The following AGPAT4 variants were observed in gnomAD, a reference collection of about 807,000 sequenced individuals.
The protein encoded by AGPAT4 is 1-acyl-sn-glycerol-3-phosphate acyltransferase delta.
In AGPAT4, 15 loss-of-function variants were observed where a neutral mutation model predicts 48.0. That is an observed-to-expected ratio of 0.31 (90% CI 0.21 to 0.48). The LOEUF is 0.48. Ranked by LOEUF, AGPAT4 falls within the 20% of genes least tolerant of loss-of-function variation. AGPAT4 has a pLI of 0.99. For synonymous variants in AGPAT4, 178 were observed against 198.7 expected (o/e 0.90, Z 0.88); for missense variants, 314 against 482.5 (o/e 0.65, Z 3.27).
intron 2 of AGPAT4, among the ~76,000 whole-genome samples, chr6:161,209,967 A>G (rs559161582): frequency 6.6e-6 from 1 of 152,066 alleles, no homozygotes; most frequent in African/African-American, 2.4e-5. Flanking sequence ...GTTGCAACAG[A>G]GGTTATTCTT....
At position 161,196,545 on chromosome 6, in the gene AGPAT4, T is replaced by G; in HGVS notation, c.179-30128A>C. ...GAGAGGGTCACGCGTGGTGACTCAA[T>G]GCCTGTAATCCCAGCATTTTGGGAG... On this transcript the variant is annotated intron_variant, in intron 2 of 8. Coordinates refer to ENST00000320285, the MANE Select transcript of AGPAT4 (RefSeq NM_020133.3). This position sits in a 1 kb window ranked among gnomAD's most constrained non-coding sequence, Gnocchi z 4.3. 6.6e-6 allele frequency among the ~76,000 whole-genome samples: 1 copy of G among 152,014 alleles called. No homozygotes were observed. Among genetic ancestry groups the G allele is most frequent in the East Asian group, 1.9e-4 (1 of 5,150 alleles).
rs1322315937 is a variant in AGPAT4 at position 161,197,599 on chromosome 6, C to T, written c.179-31182G>A. 6.6e-6 allele frequency among the ~76,000 whole-genome samples: 1 copy of T among 152,164 alleles called. No individual in the cohort carries two copies. The highest frequency in any genetic ancestry group is 1.5e-5 in the Non-Finnish European group (1 of 68,040). ...GGGGCTCATGTTTTCCTCTCCTGAA[C>T]CACTCTGCCTCCTTGCCAGACATCT... is the stretch of plus-strand genomic sequence containing the variant. On this transcript the variant is annotated intron_variant, in intron 2 of 8. Coordinates refer to ENST00000320285, the MANE Select transcript of AGPAT4 (RefSeq NM_020133.3). This position sits in a 1 kb window ranked among gnomAD's most constrained non-coding sequence, Gnocchi z 5.7.
Position 161,166,200 on chromosome 6 carries a change from T to C in AGPAT4, c.348+48A>G. On this transcript the variant is annotated intron_variant, in intron 3 of 8. Transcript: ENST00000320285. This position sits in a 1 kb window ranked among gnomAD's most constrained non-coding sequence, Gnocchi z 6.7. ...GGAGCAAAAAGACAAGTGGTGGGGC[T>C]GAACCAGAGAAATGTGTGAGGCAGG... The C allele has an allele frequency of 6.3e-7, 1 of 1,596,820 alleles. No individual in the cohort carries two copies. The highest frequency in any genetic ancestry group is 8.5e-7 in the Non-Finnish European group (1 of 1,169,876).
At chr6:161,183,673 G>GGAGGAGAGGGGAGGA (rs1207985588) in intron 2 of AGPAT4, among the ~76,000 whole-genome samples, 2 of 76,758 alleles carry the variant, frequency 2.6e-5, no homozygotes, top group African/African-American at 6.0e-5. Flanking sequence ...AGAGGGGAGG[G>GGAGGAGAGGGGAGGA]GAGGAGAGGG....
At position 161,267,807 on chromosome 6, in the gene AGPAT4, G is replaced by T. The variant is rs761985004; in HGVS notation, c.-90+6131C>A. 6.6e-6 allele frequency among the ~76,000 whole-genome samples: 1 copy of T among 152,172 alleles called. No homozygotes were observed. Among genetic ancestry groups the T allele is most frequent in the Admixed American group, 6.5e-5 (1 of 15,288 alleles). ...GCTACTTGGGAAGCTGAAGCGGGAG[G>T]ATTGCTTGAGCCCAGGAATTCAAGG... On this transcript the variant is annotated intron_variant, in intron 1 of 8. Transcript: ENST00000320285. The surrounding 1 kb of genome is among the most constrained non-coding windows in gnomAD (Gnocchi z 5.2).
In AGPAT4 at chr6:161,236,990, A is replaced by G. The variant is rs1246842125; in HGVS notation, c.-89-4688T>C. On this transcript the variant is annotated intron_variant, in intron 1 of 8. Coordinates refer to ENST00000320285, the MANE Select transcript of AGPAT4 (RefSeq NM_020133.3). The surrounding 1 kb of genome is among the most constrained non-coding windows in gnomAD (Gnocchi z 5.0). ...CCACAACCTAGTGAACTAAGGCAAC[A>G]TGCAAAAGGGATCGCGGAAACACAA... Among the ~76,000 whole-genome samples, 1 of 152,214 alleles carries G rather than the reference A, an allele frequency of 6.6e-6. No individual in the cohort carries two copies. The highest frequency in any genetic ancestry group is 6.5e-5 in the Admixed American group (1 of 15,284).
chr6:161,216,155 A>C lies in AGPAT4; in HGVS notation c.178+15881T>G, dbSNP rs1781641359. On this transcript the variant is annotated intron_variant, in intron 2 of 8. Transcript: ENST00000320285. This position sits in a 1 kb window ranked among gnomAD's most constrained non-coding sequence, Gnocchi z 4.8. ...GCTTCTTCATAGTCTGACAAAGGAG[A>C]CTAACACTCTTAGACACAAATACAA... is the stretch of plus-strand genomic sequence containing the variant. Among the ~76,000 whole-genome samples, 1 of 152,176 alleles carries C rather than the reference A, an allele frequency of 6.6e-6. No homozygotes were observed. Among genetic ancestry groups the C allele is most frequent in the Non-Finnish European group, 1.5e-5 (1 of 68,032 alleles).
chr6:161,258,542 A>G (rs534941250), intron 1 of AGPAT4, among the ~76,000 whole-genome samples: 1 of 152,222 alleles, frequency 6.6e-6, no homozygotes, highest in Non-Finnish European at 1.5e-5. Context: ...TTGACACAAG[A>G]GAGCAATAAC....
At chr6:161,160,596 C>G (rs1207427139) in intron 3 of AGPAT4, 2 of 191,640 alleles carry the variant, frequency 1.0e-5, no homozygotes, top group African/African-American at 4.6e-5. Flanking sequence ...CTGGGTTTGA[C>G]AGGCATGCAG....
rs952845981 is a variant in AGPAT4 at position 161,222,825 on chromosome 6, C to T, written c.178+9211G>A. Reference sequence around the variant, plus strand: ...CTTCCTCTGGCCTCATTCATTTGCACGGTGGCCTCACGACACAGCAAGGCC... The same window carrying T: ...CTTCCTCTGGCCTCATTCATTTGCATGGTGGCCTCACGACACAGCAAGGCC... On this transcript the variant is annotated intron_variant, in intron 2 of 8. Coordinates refer to ENST00000320285, the MANE Select transcript of AGPAT4 (RefSeq NM_020133.3). This position sits in a 1 kb window ranked among gnomAD's most constrained non-coding sequence, Gnocchi z 5.9. Among the ~76,000 whole-genome samples, 8 of 152,082 alleles carry T rather than the reference C, an allele frequency of 5.3e-5. No individual in the cohort carries two copies. The highest frequency in any genetic ancestry group is 8.8e-5 in the Non-Finnish European group (6 of 68,014).
At position 161,149,353 on chromosome 6, in the gene AGPAT4, T is replaced by A. The variant is rs1779525064; in HGVS notation, c.665-64A>T. The A allele has an allele frequency of 2.1e-6, 3 of 1,421,272 alleles. No individual in the cohort carries two copies. Among genetic ancestry groups the A allele is most frequent in the African/African-American group, 2.9e-5 (2 of 70,172 alleles). The allele number at this position is 1,421,272 out of a possible 1,614,324, so 88.0% of individuals were successfully genotyped here. A position where few individuals can be genotyped will look rare whatever the true frequency, so the allele number is the denominator to read the frequency against. The stretch of plus-strand genomic sequence containing the variant: ...TGTGAACCCAATTTTGTTCTGTAGA[T>A]ACACACATTGGAAGACAATAATCAA... On this transcript the variant is annotated intron_variant, in intron 5 of 8. Transcript: ENST00000320285. This position sits in a 1 kb window ranked among gnomAD's most constrained non-coding sequence, Gnocchi z 6.5.
intron 2 of AGPAT4, among the ~76,000 whole-genome samples, chr6:161,172,284 TTCTGGG>T (rs1167601916): frequency 6.6e-6 from 1 of 152,196 alleles, no homozygotes; most frequent in Non-Finnish European, 1.5e-5. Flanking sequence ...GATCTGCAGA[TTCTGGG>T]TCTTGCCCTT....
intron 2 of AGPAT4, among the ~76,000 whole-genome samples, chr6:161,213,351 T>C (rs1781567086): frequency 6.6e-6 from 1 of 152,220 alleles, no homozygotes; most frequent in Non-Finnish European, 1.5e-5. Context: ...TTAGTAAAAA[T>C]GGGAAACTGA....
At chr6:161,241,555 G>A (rs944129329) in intron 1 of AGPAT4, among the ~76,000 whole-genome samples, 1 of 152,184 alleles carries the variant, frequency 6.6e-6, no homozygotes, top group Non-Finnish European at 1.5e-5. Context: ...TGAGTAGCTT[G>A]TGAGAGAAAA....
Position 161,166,193 on chromosome 6 carries a change from GT to G in AGPAT4, c.348+54del. ...ATGACCAGGAGCAAAAAGACAAGTG[GT>G]GGGGCTGAACCAGAGAAATGTGTGA... On this transcript the variant is annotated intron_variant, in intron 3 of 8. Transcript: ENST00000320285. This position sits in a 1 kb window ranked among gnomAD's most constrained non-coding sequence, Gnocchi z 6.7. The G allele has an allele frequency of 6.3e-7, 1 of 1,585,206 alleles. No individual in the cohort carries two copies. Among genetic ancestry groups the G allele is most frequent in the South Asian group, 1.1e-5 (1 of 87,642 alleles).
Position 161,154,045 on chromosome 6 carries a change from G to A in AGPAT4, c.510+104C>T, listed in dbSNP as rs554209794. 5.7e-5 allele frequency: 83 copies of A among 1,463,820 alleles called. 1 individual carries two copies. The highest frequency in any genetic ancestry group is 5.5e-4 in the South Asian group (47 of 85,852). The allele number at this position is 1,463,820 out of a possible 1,614,324, so 90.7% of individuals were successfully genotyped here. ...TATGGTCACACACAGCCCTGGAGTC[G>A]CACAGGACCACACAGTCACGTGTCC... On this transcript the variant is annotated intron_variant, in intron 4 of 8. Coordinates refer to ENST00000320285, the MANE Select transcript of AGPAT4 (RefSeq NM_020133.3). The surrounding 1 kb of genome is among the most constrained non-coding windows in gnomAD (Gnocchi z 7.8).
In AGPAT4 at chr6:161,146,493, T is replaced by C; in HGVS notation, c.843+31A>G. ...ACACGGCGCACCCACAGCTGCAACG[T>C]GAAGGGACCCCTGGCACCCAGTGCA... On this transcript the variant is annotated intron_variant, in intron 7 of 8. Coordinates refer to ENST00000320285, the MANE Select transcript of AGPAT4 (RefSeq NM_020133.3). This position sits in a 1 kb window ranked among gnomAD's most constrained non-coding sequence, Gnocchi z 7.1. The C allele has an allele frequency of 6.2e-7, 1 of 1,611,300 alleles. No homozygotes were observed. The highest frequency in any genetic ancestry group is 1.3e-5 in the African/African-American group (1 of 74,856).
rs1255789310 is a variant in AGPAT4 at position 161,202,212 on chromosome 6, CTGAG to C, written c.178+29820_178+29823del. On this transcript the variant is annotated intron_variant, in intron 2 of 8. Transcript: ENST00000320285. This position sits in a 1 kb window ranked among gnomAD's most constrained non-coding sequence, Gnocchi z 5.4. ...GGTGGAGAATTCAGGACTGACATGG[CTGAG>C]TGGTTCTGGCTTGGGGTCTCTGGGG... Among the ~76,000 whole-genome samples the C allele has an allele frequency of 6.6e-6, 1 of 152,136 alleles. No individual in the cohort carries two copies. Among genetic ancestry groups the C allele is most frequent in the Middle Eastern group, 3.2e-3 (1 of 316 alleles).
At chr6:161,151,114 A>G (rs543093591) in intron 5 of AGPAT4, among the ~76,000 whole-genome samples, 1 of 152,220 alleles carries the variant, frequency 6.6e-6, no homozygotes, top group Non-Finnish European at 1.5e-5. Context: ...TGCAAGGCGC[A>G]TCAGAAGGAG....
Sources: allele counts gnomAD v4.1 joint callset (sites outside exome capture counted in the v4.1 genomes callset), GRCh38; gene constraint gnomAD v4.1.1; non-coding constraint Gnocchi (gnomAD v3.1); transcripts MANE v1.5; gene names NCBI Gene and HGNC (gene_info 2026-07-23, HGNC 2026-07-21).